Variants in MYOM1 observed in about 807,000 individuals in gnomAD.
MYOM1 encodes the protein myomesin 1.
A neutral mutation model predicts 205.3 loss-of-function variants in MYOM1; 164 were observed. The observed-to-expected ratio is 0.80, with a 90% CI of 0.70 to 0.91. The LOEUF (loss-of-function observed/expected upper bound fraction) is 0.91. MYOM1 is among the 40% of genes least tolerant of loss of function. MYOM1 has a pLI of 0.00. For missense variants in MYOM1, 2,011 were observed against 2,127.3 expected, an observed-to-expected ratio of 0.95 and a Z score of 1.08; for synonymous variants, 772 against 789.4, an observed-to-expected ratio of 0.98 and a Z score of 0.37.
intron 10 of MYOM1, among the ~76,000 whole-genome samples, chr18:3,162,370 A>G (rs961539074): frequency 6.6e-6 from 1 of 152,074 alleles, no homozygotes; most frequent in Admixed American, 6.5e-5. Context: ...CTTACAGCCT[A>G]CTGAAATTAT....
rs554404781 is a variant in MYOM1 at position 3,110,325 on chromosome 18, T to C, written c.3418+1973A>G. Among the ~76,000 whole-genome samples the C allele has an allele frequency of 3.3e-5, 5 of 152,282 alleles. No individual in the cohort carries two copies. In the East Asian group the frequency reaches 9.6e-4, roughly 29 times the overall value. ...TAATGTAATGGGTCACGTGTAGTACTGAGCTGCCCTGGGTTTCAGACGAGG... is the reference window on the plus strand; with the variant it reads ...TAATGTAATGGGTCACGTGTAGTACCGAGCTGCCCTGGGTTTCAGACGAGG... On this transcript the variant is annotated intron_variant, in intron 22 of 37. Transcript: ENST00000356443.
chr18:3,107,997 A>G (rs2079473720), intron 22 of MYOM1, among the ~76,000 whole-genome samples: 1 of 152,196 alleles, frequency 6.6e-6, no homozygotes, highest in South Asian at 2.1e-4. Context: ...TAACATCAGT[A>G]TTGTAGAACC....
Position 3,215,077 on chromosome 18 carries a change from G to A in MYOM1, c.147C>T (p.Arg49=). 2 of 1,613,516 alleles carry A rather than the reference G, an allele frequency of 1.2e-6. No individual in the cohort carries two copies. Residue 49 remains arginine (R), a synonymous_variant, in exon 2 of 38, where the codon CGC becomes CGT. Transcript: ENST00000356443. ...YTQGSTAYSS[R]SSAAHRRESE... is the part of the protein sequence containing the mutation. Reference sequence around the variant, plus strand: ...ACTCCCGGCGGTGCGCGGCGGAGGAGCGGCTGCTGTAGGCCGTGGAGCCCT... The same window carrying A: ...ACTCCCGGCGGTGCGCGGCGGAGGAACGGCTGCTGTAGGCCGTGGAGCCCT...
chr18:3,162,360 C>T (rs779593061), intron 10 of MYOM1, among the ~76,000 whole-genome samples: 8 of 152,302 alleles, frequency 5.3e-5, no homozygotes, highest in Non-Finnish European at 7.3e-5. Context: ...ACACCTGTAA[C>T]TTACAGCCTA....
chr18:3,175,046 A>AT (rs1442311065), intron 6 of MYOM1, among the ~76,000 whole-genome samples: 2 of 151,676 alleles, frequency 1.3e-5, no homozygotes, highest in African/African-American at 4.8e-5. Flanking sequence ...ATTTGTGTAA[A>AT]TTTTTTTTCT....
At chr18:3,230,281 G>T in the MYOM1 span, among the ~76,000 whole-genome samples, 3 of 152,174 alleles carry the variant, frequency 2.0e-5, no homozygotes, top group Non-Finnish European at 4.4e-5. Flanking sequence ...AAATGAAAAT[G>T]AGGCAGGAGA....
intron 4 of MYOM1, 78 bp downstream of exon 4, chr18:3,188,669 AC>A: frequency 1.5e-6 from 1 of 657,578 alleles, no homozygotes; most frequent in Non-Finnish European, 1.9e-6. Flanking sequence ...CTATATCTAC[AC>A]ACACACACAC....
intron 12 of MYOM1, among the ~76,000 whole-genome samples, chr18:3,150,022 A>G (rs1407405844): frequency 6.6e-6 from 1 of 152,148 alleles, no homozygotes; most frequent in Non-Finnish European, 1.5e-5. Context: ...GCAATCAAGG[A>G]GCCTGATGAG....
At chr18:3,083,394 TC>T (rs1567895873) in intron 33 of MYOM1, among the ~76,000 whole-genome samples, 2 of 151,064 alleles carry the variant, frequency 1.3e-5, no homozygotes, top group Admixed American at 6.6e-5. Flanking sequence ...AATTTCTTTT[TC>T]TTTCTTTCTT....
intron 11 of MYOM1, 43 bp from the exon 12 acceptor site, chr18:3,151,936 T>C (rs1366065476): frequency 6.3e-7 from 1 of 1,576,880 alleles, no homozygotes; most frequent in African/African-American, 1.3e-5. Context: ...AAAAGAAGTA[T>C]GGCTTAATGA....
intron 33 of MYOM1, among the ~76,000 whole-genome samples, chr18:3,083,427 C>CTTTTTTTTTTTTTTTTTTTTTTTTTTTCT (rs35959808): frequency 1.0e-5 from 1 of 98,526 alleles, no homozygotes; most frequent in Non-Finnish European, 1.8e-5. Flanking sequence ...TTTTCTTTTT[C>CTTTTTTTTTTTTTTTTTTTTTTTTTTTCT]TTTTTTTTTT....
In MYOM1 at chr18:3,090,726, C is replaced by T. The variant is rs1282846870; in HGVS notation, c.3941G>A (p.Gly1314Glu). Residue 1314 changes from glycine to glutamate, a missense_variant, in exon 27 of 38, where the codon GGA (glycine) becomes GAA (glutamate). By Grantham distance (98) the Gly-to-Glu change is moderately conservative. Transcript: ENST00000356443. ...ATCTTGAAGCTGGAAAGTGTACGTT[C>T]CCTCATCCTCATCCTGTAGCTTTTC... ...FMEKLQDEDE[G>E]TYTFQLQDGK... The T allele has an allele frequency of 1.9e-6, 3 of 1,613,924 alleles. No individual in the cohort carries two copies. The highest frequency in any genetic ancestry group is 2.2e-5 in the East Asian group (1 of 44,878).
intron 1 of MYOM1, among the ~76,000 whole-genome samples, chr18:3,218,246 A>C (rs1174479290): frequency 6.6e-6 from 1 of 152,240 alleles, no homozygotes; most frequent in Non-Finnish European, 1.5e-5. Flanking sequence ...AAGTGTTTTA[A>C]TGCTGTAGAA....
At chr18:3,195,468 A>G (rs2144181897) in intron 2 of MYOM1, among the ~76,000 whole-genome samples, 1 of 152,318 alleles carries the variant, frequency 6.6e-6, no homozygotes, top group Non-Finnish European at 1.5e-5. Context: ...GGCTGTGCTT[A>G]TACAGGTCTA....
intron 33 of MYOM1, among the ~76,000 whole-genome samples, chr18:3,081,130 CAAA>C (rs752878328): frequency 4.4e-5 from 5 of 113,898 alleles, no homozygotes; most frequent in Admixed American, 9.4e-5. Flanking sequence ...GACTCCGTCT[CAAA>C]AAAAAAAAAA....
At chr18:3,126,946 T>A in intron 18 of MYOM1, 49 bp from the exon 19 acceptor site, 1 of 1,507,890 alleles carries the variant, frequency 6.6e-7, no homozygotes. Context: ...CATTTATGAT[T>A]CTATATATAA....
At chr18:3,161,405 T>C (rs1285025023) in intron 10 of MYOM1, among the ~76,000 whole-genome samples, 1 of 152,204 alleles carries the variant, frequency 6.6e-6, no homozygotes, top group Non-Finnish European at 1.5e-5. Context: ...GCAGGAAACA[T>C]GGCTGGCTAA....
intron 2 of MYOM1, among the ~76,000 whole-genome samples, chr18:3,210,922 AG>A (rs1347678952): frequency 2.6e-5 from 4 of 152,194 alleles, no homozygotes; most frequent in Non-Finnish European, 5.9e-5. Context: ...TCTACTGCTC[AG>A]GGTTGTTGTA....
At chr18:3,108,203 C>G (rs1320621354) in intron 22 of MYOM1, among the ~76,000 whole-genome samples, 4 of 152,182 alleles carry the variant, frequency 2.6e-5, no homozygotes, top group Non-Finnish European at 5.9e-5. Flanking sequence ...TTCAGCTGGC[C>G]TCAGGTCAAT....
Sources: gnomAD v4.1 joint callset for allele counts (sites outside exome capture counted in the v4.1 genomes callset) on GRCh38, gnomAD v4.1.1 for gene constraint, MANE v1.5 for transcripts, NCBI Gene and HGNC (gene_info 2026-07-23, HGNC 2026-07-21) for gene names.